The following OSBPL8 variants were observed in gnomAD, a reference collection of about 807,000 sequenced individuals.
The protein encoded by OSBPL8 is oxysterol-binding protein-related protein 8.
OSBPL8 carries 59 observed loss-of-function variants against 125.5 expected under a neutral mutation model. That is an observed-to-expected ratio of 0.47 (90% confidence interval 0.38 to 0.58). The LOEUF (loss-of-function observed/expected upper bound fraction) is 0.58, where lower values mean the gene tolerates loss of function less well. Among genes scored for constraint, OSBPL8 ranks in the 20% least tolerant of loss-of-function variants. OSBPL8 has a pLI of 0.00. For synonymous variants in OSBPL8, 330 were observed against 338.9 expected (o/e 0.97, Z 0.29); for missense variants, 758 against 1,047.8 (o/e 0.72, Z 3.82).
At chr12:76,500,351 T>C (rs1879772485) in intron 1 of OSBPL8, among the ~76,000 whole-genome samples, 1 of 152,240 alleles carries the variant, frequency 6.6e-6, no homozygotes, top group South Asian at 2.1e-4. Context: ...CTAGAAAATA[T>C]TTCTCTTGCA....
intron 11 of OSBPL8, chr12:76,390,136 T>C (rs2136291316): frequency 2.4e-6 from 1 of 422,408 alleles, no homozygotes; most frequent in East Asian, 3.6e-5. Flanking sequence ...TCACGTTTCC[T>C]TGCAACTTTG....
At chr12:76,453,668 C>CT (rs1270505067) in intron 3 of OSBPL8, among the ~76,000 whole-genome samples, 6 of 152,012 alleles carry the variant, frequency 3.9e-5, no homozygotes, top group African/African-American at 1.4e-4. Flanking sequence ...ACAGAGATTC[C>CT]TTTAAAAAGA....
At chr12:76,534,559 A>G (rs1448203169) in intron 1 of OSBPL8, among the ~76,000 whole-genome samples, 1 of 152,164 alleles carries the variant, frequency 6.6e-6, no homozygotes, top group Non-Finnish European at 1.5e-5. Context: ...TAATATATAC[A>G]ATATCTGCAT....
intron 1 of OSBPL8, among the ~76,000 whole-genome samples, chr12:76,539,060 A>T (rs11380109): frequency 2.6e-4 from 6 of 23,180 alleles, no homozygotes; most frequent in South Asian, 1.9e-3. Context: ...GGGGGGGGGG[A>T]GGGGGAGGGT....
At chr12:76,403,449 G>A (rs1954132218) in intron 5 of OSBPL8, among the ~76,000 whole-genome samples, 1 of 152,112 alleles carries the variant, frequency 6.6e-6, no homozygotes, top group South Asian at 2.1e-4. Flanking sequence ...AATCATGAAA[G>A]GGAAGCTCAG....
intron 22 of OSBPL8, among the ~76,000 whole-genome samples, chr12:76,357,679 A>G (rs1352368467): frequency 2.6e-5 from 4 of 152,148 alleles, no homozygotes; most frequent in Non-Finnish European, 4.4e-5. Context: ...TTAATAATTC[A>G]TCAGGATTCT....
Position 76,517,465 on chromosome 12 carries a change from GTTTAT to G in OSBPL8, c.-67-29852_-67-29848del, listed in dbSNP as rs573368267. Reference sequence around the variant, plus strand: ...TGTTTATTAATGTATTCATTAATAAGTTTATTTTAAGAATGGTAACTAATATCTCG... The same window carrying G: ...TGTTTATTAATGTATTCATTAATAAGTTTAAGAATGGTAACTAATATCTCG... On this transcript the variant is annotated intron_variant, in intron 1 of 23. Coordinates refer to ENST00000261183, the MANE Select transcript of OSBPL8 (RefSeq NM_020841.5). Among the ~76,000 whole-genome samples, 309 of 152,128 alleles carry G rather than the reference GTTTAT, an allele frequency of 2.0e-3. 2 individuals carry two copies. Among genetic ancestry groups the G allele is most frequent in the African/African-American group, 7.0e-3 (290 of 41,514 alleles).
intron 4 of OSBPL8, among the ~76,000 whole-genome samples, chr12:76,414,619 T>TTTGTTG (rs61191654): frequency 1.3e-5 from 2 of 151,180 alleles, no homozygotes; most frequent in African/African-American, 4.9e-5. Context: ...GCCTGACTTT[T>TTTGTTG]TTGTTGTTGT....
At chr12:76,540,307 G>GA (rs942248752) in intron 1 of OSBPL8, among the ~76,000 whole-genome samples, 26 of 152,242 alleles carry the variant, frequency 1.7e-4, no homozygotes, top group African/African-American at 6.3e-4. Flanking sequence ...CCCAGGGCAA[G>GA]AGACCAGAAC....
intron 1 of OSBPL8, among the ~76,000 whole-genome samples, chr12:76,510,341 C>T (rs1880846410): frequency 6.6e-6 from 1 of 152,172 alleles, no homozygotes; most frequent in African/African-American, 2.4e-5. Context: ...ATACCTACTA[C>T]TTATGTAGAG....
chr12:76,381,279 CT>C (rs1428605260), intron 15 of OSBPL8, among the ~76,000 whole-genome samples: 3 of 151,994 alleles, frequency 2.0e-5, no homozygotes, highest in Non-Finnish European at 4.4e-5. Flanking sequence ...GTTTTTTCTT[CT>C]TCTATTTTAT....
intron 4 of OSBPL8, among the ~76,000 whole-genome samples, chr12:76,429,012 A>C (rs1168209431): frequency 2.6e-5 from 4 of 152,116 alleles, no homozygotes; most frequent in Non-Finnish European, 4.4e-5. Context: ...GTAGTTAGCA[A>C]AATCTTACTA....
intron 2 of OSBPL8, among the ~76,000 whole-genome samples, chr12:76,472,998 G>T (rs896789332): frequency 1.3e-5 from 2 of 152,022 alleles, no homozygotes; most frequent in Non-Finnish European, 2.9e-5. Context: ...TGACGCTACC[G>T]CTAGACCATG....
At chr12:76,492,249 G>A (rs1227798109) in intron 1 of OSBPL8, among the ~76,000 whole-genome samples, 1 of 152,158 alleles carries the variant, frequency 6.6e-6, no homozygotes, top group Non-Finnish European at 1.5e-5. Context: ...AGATATCTGA[G>A]GGAAGAGTCT....
chr12:76,466,071 T>G (rs1438263927), intron 2 of OSBPL8, among the ~76,000 whole-genome samples: 1 of 152,046 alleles, frequency 6.6e-6, no homozygotes, highest in Non-Finnish European at 1.5e-5. Context: ...CTTTTAAAAG[T>G]AGGTTATAAA....
chr12:76,446,550 G>A (rs1360409786), intron 4 of OSBPL8, among the ~76,000 whole-genome samples: 2 of 151,916 alleles, frequency 1.3e-5, no homozygotes, highest in African/African-American at 4.8e-5. Flanking sequence ...TAAATTAGAG[G>A]GTTATATATG....
chr12:76,451,627 A>G (rs144828602), intron 3 of OSBPL8, among the ~76,000 whole-genome samples: 1 of 152,238 alleles, frequency 6.6e-6, no homozygotes, highest in African/African-American at 2.4e-5. Flanking sequence ...GCCCCAATAA[A>G]CAATTTAAGT....
intron 7 of OSBPL8, 109 bp downstream of exon 7, chr12:76,399,764 T>A: frequency 1.5e-6 from 1 of 678,110 alleles, no homozygotes; most frequent in Non-Finnish European, 2.3e-6. Flanking sequence ...TGAAAAACAA[T>A]CATTTTAGGA....
At chr12:76,472,581 G>A (rs1876287712) in intron 2 of OSBPL8, among the ~76,000 whole-genome samples, 2 of 152,198 alleles carry the variant, frequency 1.3e-5, no homozygotes. Context: ...GGTAAGGAGT[G>A]TGAGCCATCT....
Sources: allele counts gnomAD v4.1 joint callset (sites outside exome capture counted in the v4.1 genomes callset), GRCh38; gene constraint gnomAD v4.1.1; transcripts MANE v1.5; gene names NCBI Gene and HGNC (gene_info 2026-07-23, HGNC 2026-07-21).